The following NOTCH2NLC variants were observed in gnomAD, a reference collection of about 807,000 sequenced individuals.
NOTCH2NLC encodes notch homolog 2 N-terminal-like protein C.
In NOTCH2NLC, 4 loss-of-function variants were observed where a neutral mutation model predicts 17.7. The ratio of observed to expected loss-of-function variants is 0.23; its 90% confidence interval spans 0.11 to 0.52. The LOEUF (loss-of-function observed/expected upper bound fraction) is 0.52, where lower values mean the gene tolerates loss of function less well. Among genes scored for constraint, NOTCH2NLC ranks in the 20% least tolerant of loss-of-function variants. The pLI is 0.96. For missense variants in NOTCH2NLC, 57 were observed against 207.2 expected (o/e 0.28, Z 4.45); for synonymous variants, 18 against 86.0 (o/e 0.21, Z 4.38).
chr1:149,410,395 G>C (rs2084292493), intron 1 of NOTCH2NLC, among the ~76,000 whole-genome samples: 1 of 148,768 alleles, frequency 6.7e-6, no homozygotes, highest in East Asian at 2.0e-4. Flanking sequence ...ATCTTGTTGT[G>C]TTTGACTAGA....
At chr1:149,460,867 CTTTCTTTCT>C (rs1460692094) in intron 3 of NOTCH2NLC, among the ~76,000 whole-genome samples, 1 of 13,594 alleles carries the variant, frequency 7.4e-5, no homozygotes, top group Non-Finnish European at 1.8e-4. Flanking sequence ...TTCTTTCTTT[CTTTCTTTCT>C]TTCTTTCTTT....
chr1:149,407,921 TCATGATGTGAAA>T (rs2084278771), intron 1 of NOTCH2NLC, among the ~76,000 whole-genome samples: 1 of 69,770 alleles, frequency 1.4e-5, no homozygotes, highest in Non-Finnish European at 3.0e-5. Context: ...ATTTCATTTC[TCATGATGTGAAA>T]GGATTCTCTT....
At chr1:149,462,213 C>T in intron 3 of NOTCH2NLC, among the ~76,000 whole-genome samples, 1 of 148,028 alleles carries the variant, frequency 6.8e-6, no homozygotes, top group South Asian at 2.2e-4. Flanking sequence ...AACAAAAAGC[C>T]AGCCATGTGA....
Position 149,468,952 on chromosome 1 carries a change from TC to T in NOTCH2NLC, c.*4800del. Among the ~76,000 whole-genome samples the T allele has an allele frequency of 7.8e-6, 1 of 128,438 alleles. No individual in the cohort carries two copies. Among genetic ancestry groups the T allele is most frequent in the African/African-American group, 2.9e-5 (1 of 34,394 alleles). The allele number at this position is 128,438 out of a possible 152,430, so 84.3% of individuals were successfully genotyped here. ...CTTGGGGGCATGTGTCATTTTCTTT[TC>T]TTTTCTTTTTTTTTTTTTTTTTTTT... On this transcript the variant is annotated 3_prime_UTR_variant, in exon 5 of 5. Transcript: ENST00000650865.
At position 149,448,878 on chromosome 1, in the gene NOTCH2NLC, G is replaced by C. The variant is rs1351218774; in HGVS notation, c.210-6440G>C. Among the ~76,000 whole-genome samples, 35 of 142,824 alleles carry C rather than the reference G, an allele frequency of 2.5e-4. No individual in the cohort carries two copies. The South Asian group carries it at 8.2e-3, about 33-fold the overall frequency. 93.7% of individuals were successfully genotyped at this position (142,824 alleles called of 152,430 possible). A position where few individuals can be genotyped will look rare whatever the true frequency, so the allele number is the denominator to read the frequency against. On this transcript the variant is annotated intron_variant, in intron 2 of 4. Transcript: ENST00000650865. ...ATCCTGCCTCTTCCATCTACTAGCT[G>C]TGAATTTTTTTTTTTTTTTTTGAGA...
intron 1 of NOTCH2NLC, among the ~76,000 whole-genome samples, chr1:149,429,855 A>G (rs1458365411): frequency 1.1e-4 from 17 of 150,354 alleles, no homozygotes; most frequent in Non-Finnish European, 1.8e-4. Context: ...TTTTGCTTTC[A>G]GGTATTTATA....
At chr1:149,393,609 G>A (rs2084188150) in intron 1 of NOTCH2NLC, among the ~76,000 whole-genome samples, 2 of 147,756 alleles carry the variant, frequency 1.4e-5, no homozygotes, top group Non-Finnish European at 3.0e-5. Flanking sequence ...TTTGCAATGG[G>A]AAGTGACTCC....
At chr1:149,392,997 G>A (rs1188504837) in intron 1 of NOTCH2NLC, among the ~76,000 whole-genome samples, 15 of 147,036 alleles carry the variant, frequency 1.0e-4, no homozygotes, top group African/African-American at 3.8e-4. Flanking sequence ...GTGAACCCGG[G>A]AGGCGGAGCT....
intron 1 of NOTCH2NLC, among the ~76,000 whole-genome samples, chr1:149,423,377 T>G (rs1206236869): frequency 6.6e-6 from 1 of 151,532 alleles, no homozygotes; most frequent in Non-Finnish European, 1.5e-5. Flanking sequence ...TTGGATTTTT[T>G]TTTCATGGCT....
intron 3 of NOTCH2NLC, among the ~76,000 whole-genome samples, chr1:149,463,020 G>A (rs1410373741): frequency 1.4e-5 from 2 of 147,530 alleles, no homozygotes; most frequent in Non-Finnish European, 1.5e-5. Flanking sequence ...ATTTTTAGTA[G>A]AGACAGGGTT....
At chr1:149,410,168 T>G (rs1416222057) in intron 1 of NOTCH2NLC, among the ~76,000 whole-genome samples, 10 of 118,424 alleles carry the variant, frequency 8.4e-5, no homozygotes, top group African/African-American at 3.3e-4. Context: ...CCCCATGAGA[T>G]CTAATGCAGA....
chr1:149,408,657 G>T (rs2084282594), intron 1 of NOTCH2NLC, among the ~76,000 whole-genome samples: 1 of 150,970 alleles, frequency 6.6e-6, no homozygotes, highest in African/African-American at 2.4e-5. Flanking sequence ...ATGTTCACAG[G>T]GAAAGAAAAA....
At position 149,464,784 on chromosome 1, in the gene NOTCH2NLC, G is replaced by A. The variant is rs2084675239; in HGVS notation, c.*631G>A. ...AAAAACAAAAGAAGGAAAACTGTAG[G>A]GGGGAGTAATGTGCTAAGTAAGCAG... On this transcript the variant is annotated 3_prime_UTR_variant, in exon 5 of 5. Coordinates refer to ENST00000650865, the MANE Select transcript of NOTCH2NLC (RefSeq NM_001364013.2). The A allele has an allele frequency of 1.3e-5, 2 of 151,468 alleles. No homozygotes were observed. The highest frequency in any genetic ancestry group is 4.2e-4 in the South Asian group (2 of 4,782). The allele number at this position is 151,468 out of a possible 1,614,324, so 9.4% of individuals were successfully genotyped here.
At chr1:149,424,383 A>C (rs1172366914) in intron 1 of NOTCH2NLC, among the ~76,000 whole-genome samples, 2 of 149,682 alleles carry the variant, frequency 1.3e-5, no homozygotes, top group East Asian at 3.9e-4. Context: ...TTTATCTTAG[A>C]GTCATTTGGT....
At chr1:149,413,460 C>T (rs1246404426) in intron 1 of NOTCH2NLC, among the ~76,000 whole-genome samples, 4 of 151,280 alleles carry the variant, frequency 2.6e-5, no homozygotes, top group African/African-American at 4.8e-5. Context: ...TTCTCATGTT[C>T]TGCTGTGCTT....
At position 149,429,857 on chromosome 1, in the gene NOTCH2NLC, G is replaced by A. The variant is rs1422759041; in HGVS notation, c.136-1085G>A. Among the ~76,000 whole-genome samples, 45 of 150,292 alleles carry A rather than the reference G, an allele frequency of 3.0e-4. 1 individual carries two copies. Among genetic ancestry groups the A allele is most frequent in the African/African-American group, 8.5e-4 (35 of 41,038 alleles). On this transcript the variant is annotated intron_variant, in intron 1 of 4. Transcript: ENST00000650865. ...GGGAACTTCTCAGTTTTGCTTTCAG[G>A]TATTTATACATTAACTATCATAAGA...
chr1:149,461,924 T>C lies in NOTCH2NLC; in HGVS notation c.470-1567T>C, dbSNP rs1207805002. On this transcript the variant is annotated intron_variant, in intron 3 of 4. Transcript: ENST00000650865. ...GCATGTTCTCACTCATAGGTGGGAA[T>C]TGAACAATGAGAACACTTGGACACA... is the stretch of plus-strand genomic sequence containing the variant. 6.4e-5 allele frequency among the ~76,000 whole-genome samples: 9 copies of C among 139,676 alleles called. No homozygotes were observed. The Admixed American group carries it at 6.5e-4, about 10-fold the overall frequency. The allele number at this position is 139,676 out of a possible 152,430, so 91.6% of individuals were successfully genotyped here. A position where few individuals can be genotyped will look rare whatever the true frequency, so the allele number is the denominator to read the frequency against.
rs1321771483 is a variant in NOTCH2NLC, at chr1:149,466,393, G to A, written c.*2240G>A. On this transcript the variant is annotated 3_prime_UTR_variant, in exon 5 of 5. Transcript: ENST00000650865. ...GACTTCAGCTTTGGATAAATATATA[G>A]AAGGAAATTTAAAGAGAATTCAAAA... The A allele has an allele frequency of 2.9e-5, 4 of 139,932 alleles. No homozygotes were observed. Among genetic ancestry groups the A allele is most frequent in the Admixed American group, 1.5e-4 (2 of 13,758 alleles). 8.7% of individuals were successfully genotyped at this position (139,932 alleles called of 1,614,324 possible).
intron 2 of NOTCH2NLC, among the ~76,000 whole-genome samples, chr1:149,448,826 C>T (rs1251863842): frequency 5.0e-5 from 7 of 140,652 alleles, no homozygotes; most frequent in East Asian, 2.2e-4. Flanking sequence ...TTGAAGCACA[C>T]GCACTCTAGA....
Sources: allele counts gnomAD v4.1 joint callset (sites outside exome capture counted in the v4.1 genomes callset), GRCh38; gene constraint gnomAD v4.1.1; transcripts MANE v1.5; gene names NCBI Gene and HGNC (gene_info 2026-07-23, HGNC 2026-07-21).